HYCC2: variants seen among roughly 807,000 people sequenced by gnomAD.
HYCC2 encodes the protein hyccin 2.
the HYCC2 span, among the ~76,000 whole-genome samples, chr2:201,053,874 G>A: frequency 3.3e-5 from 5 of 152,190 alleles, no homozygotes; most frequent in Admixed American, 6.5e-5. Flanking sequence ...TGAAGTAGGA[G>A]AATCGTTTGA....
At chr2:201,063,883 T>C in the HYCC2 span, 129 of 1,595,424 alleles carry the variant, frequency 8.1e-5, 1 homozygote, top group Admixed American at 1.2e-3. Flanking sequence ...ATTTTGGCAA[T>C]TACAAAAATC....
the HYCC2 span, among the ~76,000 whole-genome samples, chr2:201,052,729 G>C: frequency 6.6e-6 from 1 of 152,182 alleles, no homozygotes; most frequent in Non-Finnish European, 1.5e-5. Context: ...CAGGCTGCAG[G>C]GTAAGGAAGA....
the HYCC2 span, among the ~76,000 whole-genome samples, chr2:201,042,404 T>G: frequency 2.0e-5 from 3 of 151,468 alleles, no homozygotes; most frequent in Non-Finnish European, 4.4e-5. Flanking sequence ...GGAGCGTCTC[T>G]GCCCGGCCGC....
chr2:200,982,803 C>A, the HYCC2 span, among the ~76,000 whole-genome samples: 1 of 152,200 alleles, frequency 6.6e-6, no homozygotes, highest in Admixed American at 6.5e-5. Flanking sequence ...GTCACCCAGA[C>A]TGGAGTGCAG....
chr2:201,047,174 G>C, the HYCC2 span, among the ~76,000 whole-genome samples: 3 of 152,000 alleles, frequency 2.0e-5, no homozygotes, highest in Non-Finnish European at 2.9e-5. Context: ...ACTCAATATA[G>C]AGCCCTCTCA....
At chr2:200,987,438 C>G in the HYCC2 span, 1 of 1,289,844 alleles carries the variant, frequency 7.8e-7, no homozygotes, top group East Asian at 5.5e-5. Context: ...GCACCTCCCC[C>G]TCTTGCACAC....
the HYCC2 span, among the ~76,000 whole-genome samples, chr2:201,000,436 GA>G: frequency 6.6e-6 from 1 of 152,118 alleles, no homozygotes; most frequent in Non-Finnish European, 1.5e-5. Flanking sequence ...TAGCTTTGGG[GA>G]AAAAAATGTA....
chr2:201,011,427 T>C, the HYCC2 span: 9 of 1,585,198 alleles, frequency 5.7e-6, no homozygotes, highest in Non-Finnish European at 5.1e-6. Context: ...AAGGAGGGGA[T>C]AGTGAAAGAC....
the HYCC2 span, among the ~76,000 whole-genome samples, chr2:201,058,698 C>T: frequency 6.6e-6 from 1 of 152,024 alleles, no homozygotes; most frequent in Non-Finnish European, 1.5e-5. Context: ...GGCCAGACCC[C>T]ATCTCAAGAA....
the HYCC2 span, among the ~76,000 whole-genome samples, chr2:201,049,678 C>T: frequency 2.0e-5 from 3 of 151,692 alleles, no homozygotes; most frequent in East Asian, 5.8e-4. Context: ...TTCAAAGACT[C>T]CCTGCATAGT....
chr2:201,028,619 T>C, the HYCC2 span, among the ~76,000 whole-genome samples: 1 of 152,062 alleles, frequency 6.6e-6, no homozygotes, highest in Admixed American at 6.6e-5. Flanking sequence ...AACAGAGATA[T>C]AGACCAATGG....
At chr2:201,064,482 A>G in the HYCC2 span, among the ~76,000 whole-genome samples, 21 of 152,186 alleles carry the variant, frequency 1.4e-4, no homozygotes, top group African/African-American at 4.6e-4. Flanking sequence ...GCCAGGTTCT[A>G]TTTGGAATTT....
chr2:201,009,300 A>G, the HYCC2 span: 3 of 391,428 alleles, frequency 7.7e-6, no homozygotes, highest in Non-Finnish European at 1.4e-5. Context: ...ATAAAACTAA[A>G]AACATTTTTT....
the HYCC2 span, chr2:201,022,244 T>A: frequency 2.3e-6 from 1 of 431,590 alleles, no homozygotes; most frequent in Non-Finnish European, 4.3e-6. Flanking sequence ...GTATTTTGCA[T>A]AAATTAATAT....
the HYCC2 span, among the ~76,000 whole-genome samples, chr2:201,064,806 T>TA: frequency 7.2e-5 from 11 of 152,216 alleles, no homozygotes; most frequent in Admixed American, 4.6e-4. Context: ...CAATTCTTCT[T>TA]AAAAACTTTT....
At chr2:201,054,432 C>T in the HYCC2 span, among the ~76,000 whole-genome samples, 1 of 152,202 alleles carries the variant, frequency 6.6e-6, no homozygotes, top group Admixed American at 6.5e-5. Context: ...TACAAAGCTC[C>T]TAAGCCCTTT....
At chr2:201,062,563 A>G in the HYCC2 span, among the ~76,000 whole-genome samples, 1 of 151,672 alleles carries the variant, frequency 6.6e-6, no homozygotes, top group African/African-American at 2.4e-5. Context: ...AGGCAGGAGT[A>G]TGGCATGAAC....
chr2:200,974,225 A>G, the HYCC2 span: 1 of 151,672 alleles, frequency 6.6e-6, no homozygotes, highest in South Asian at 2.1e-4. Flanking sequence ...AAAAAAAAAG[A>G]GCTGATGTGT....
chr2:201,063,802 T>C, the HYCC2 span: 3 of 1,591,094 alleles, frequency 1.9e-6, no homozygotes, highest in Non-Finnish European at 1.7e-6. Context: ...GTGGATATGA[T>C]GGCAGTGGGG....
Sources: gnomAD v4.1 joint callset for allele counts (sites outside exome capture counted in the v4.1 genomes callset) on GRCh38, gnomAD v4.1.1 for gene constraint, MANE v1.5 for transcripts, NCBI Gene and HGNC (gene_info 2026-07-23, HGNC 2026-07-21) for gene names.